The following GPR158 variants were observed in gnomAD, a reference collection of about 807,000 sequenced individuals.
GPR158 encodes metabotropic glycine receptor.
GPR158 carries 30 observed loss-of-function variants against 78.2 expected under a neutral mutation model. That is an observed-to-expected ratio of 0.38 (90% CI 0.29 to 0.52). GPR158 has a LOEUF of 0.52. GPR158 is among the 20% of genes least tolerant of loss of function. The pLI, the probability that GPR158 is intolerant of heterozygous loss-of-function variation, is 0.83. For synonymous variants in GPR158, 581 were observed against 591.1 expected (o/e 0.98, Z 0.25); for missense variants, 1,463 against 1,523.5 (o/e 0.96, Z 0.66).
chr10:25,551,603 G>A (rs1256340395), intron 6 of GPR158, among the ~76,000 whole-genome samples: 1 of 152,118 alleles, frequency 6.6e-6, no homozygotes, highest in Non-Finnish European at 1.5e-5. Context: ...CTTGGAAAAT[G>A]GAGAATGCTC....
At chr10:25,251,800 G>A (rs1228961328) in intron 2 of GPR158, among the ~76,000 whole-genome samples, 1 of 150,072 alleles carries the variant, frequency 6.7e-6, no homozygotes, top group African/African-American at 2.4e-5. Context: ...TCTTGGAGTT[G>A]CTCTTCTCGA....
In GPR158 at chr10:25,529,335, C is replaced by T. The variant is rs1223711676; in HGVS notation, c.1405-21641C>T. 2.6e-5 allele frequency among the ~76,000 whole-genome samples: 4 copies of T among 151,830 alleles called. No homozygotes were observed. In the East Asian group the frequency reaches 7.7e-4, roughly 29 times the overall value. ...TCGGGAGGCGGAGGTAGCAGTAAGC[C>T]GAGATTGCACCATTGCACTCCAGCC... On this transcript the variant is annotated intron_variant, in intron 5 of 10. Transcript: ENST00000376351.
At chr10:25,330,326 A>G (rs1855100291) in intron 2 of GPR158, among the ~76,000 whole-genome samples, 1 of 152,180 alleles carries the variant, frequency 6.6e-6, no homozygotes. Context: ...TATTGAAACT[A>G]GAATTTTTTA....
intron 2 of GPR158, among the ~76,000 whole-genome samples, chr10:25,284,109 A>G (rs767421898): frequency 1.3e-5 from 2 of 152,096 alleles, no homozygotes; most frequent in Admixed American, 6.5e-5. Context: ...AGAGTGTTCT[A>G]TGAATGACAA....
At chr10:25,334,839 A>AAAGC (rs1855175388) in intron 2 of GPR158, among the ~76,000 whole-genome samples, 1 of 151,834 alleles carries the variant, frequency 6.6e-6, no homozygotes, top group Non-Finnish European at 1.5e-5. Flanking sequence ...GCTTTAGTCT[A>AAAGC]TTTGATATTT....
intron 5 of GPR158, among the ~76,000 whole-genome samples, chr10:25,549,002 A>G (rs547239169): frequency 1.3e-5 from 2 of 152,268 alleles, no homozygotes; most frequent in African/African-American, 4.8e-5. Flanking sequence ...TCTATATTAC[A>G]GTTGTTCACC....
chr10:25,254,478 C>A (rs1490841621), intron 2 of GPR158, among the ~76,000 whole-genome samples: 1 of 151,978 alleles, frequency 6.6e-6, no homozygotes, highest in African/African-American at 2.4e-5. Flanking sequence ...AAGGAGTAGA[C>A]AAAAATTTTC....
intron 5 of GPR158, among the ~76,000 whole-genome samples, chr10:25,477,232 G>A (rs1283625133): frequency 6.6e-6 from 1 of 152,124 alleles, no homozygotes; most frequent in Non-Finnish European, 1.5e-5. Flanking sequence ...GGGATATAAA[G>A]GAGGGAGTTG....
intron 1 of GPR158, among the ~76,000 whole-genome samples, chr10:25,211,112 C>T (rs572531561): frequency 1.4e-5 from 2 of 148,050 alleles, no homozygotes; most frequent in East Asian, 3.9e-4. Flanking sequence ...AGTCTGGTGA[C>T]AGAGGGAGAG....
At chr10:25,269,682 T>G (rs990599960) in intron 2 of GPR158, among the ~76,000 whole-genome samples, 2 of 152,194 alleles carry the variant, frequency 1.3e-5, no homozygotes, top group African/African-American at 4.8e-5. Context: ...GTTAAACCAT[T>G]TAGCTCTCAC....
intron 5 of GPR158, among the ~76,000 whole-genome samples, chr10:25,532,977 C>A (rs1465091817): frequency 7.5e-6 from 1 of 133,790 alleles, no homozygotes; most frequent in Non-Finnish European, 1.7e-5. Context: ...ATCAGATCCG[C>A]TTAATTCCCT....
At chr10:25,553,998 A>G (rs536354879) in intron 6 of GPR158, among the ~76,000 whole-genome samples, 1 of 152,276 alleles carries the variant, frequency 6.6e-6, no homozygotes, top group South Asian at 2.1e-4. Flanking sequence ...AAAATGGGTT[A>G]TGGCTGCACA....
intron 5 of GPR158, among the ~76,000 whole-genome samples, chr10:25,521,206 C>T (rs995810799): frequency 7.9e-5 from 12 of 152,238 alleles, no homozygotes; most frequent in African/African-American, 1.4e-4. Context: ...TGAGGCAATG[C>T]CTCGCCCTGC....
intron 6 of GPR158, among the ~76,000 whole-genome samples, chr10:25,554,947 C>A (rs933213917): frequency 6.6e-6 from 1 of 151,930 alleles, no homozygotes; most frequent in Non-Finnish European, 1.5e-5. Context: ...CATAGCCCCA[C>A]CTCACTGGCA....
intron 2 of GPR158, among the ~76,000 whole-genome samples, chr10:25,270,908 G>A (rs555291652): frequency 9.3e-4 from 141 of 152,200 alleles, no homozygotes; most frequent in African/African-American, 3.2e-3. Context: ...AGTTTTTGAT[G>A]CTTATCACTG....
chr10:25,443,597 T>TCATCTCC (rs1389898255), intron 4 of GPR158, among the ~76,000 whole-genome samples: 1 of 146,788 alleles, frequency 6.8e-6, no homozygotes, highest in Non-Finnish European at 1.5e-5. Flanking sequence ...TGTAGAGGTG[T>TCATCTCC]CATCTCCCTA....
chr10:25,281,300 A>G (rs1240372874), intron 2 of GPR158, among the ~76,000 whole-genome samples: 1 of 151,496 alleles, frequency 6.6e-6, no homozygotes, highest in African/African-American at 2.4e-5. Context: ...GGGGTGGCTC[A>G]CACCTGTAAT....
intron 5 of GPR158, among the ~76,000 whole-genome samples, chr10:25,474,232 A>C (rs1271361413): frequency 6.6e-6 from 1 of 152,110 alleles, no homozygotes; most frequent in Non-Finnish European, 1.5e-5. Flanking sequence ...CCTTGATTTT[A>C]GTTCCTTAAG....
intron 5 of GPR158, among the ~76,000 whole-genome samples, chr10:25,468,407 G>T (rs112658067): frequency 0.012 from 1,775 of 152,176 alleles, 10 homozygotes; most frequent in Non-Finnish European, 0.017. Flanking sequence ...CCTAAACCTT[G>T]TTTTTTCTTA....
Sources: gnomAD v4.1 joint callset for allele counts (sites outside exome capture counted in the v4.1 genomes callset) on GRCh38, gnomAD v4.1.1 for gene constraint, MANE v1.5 for transcripts, NCBI Gene and HGNC (gene_info 2026-07-23, HGNC 2026-07-21) for gene names.